Variants in SLC35F1 observed in about 807,000 individuals in gnomAD.
SLC35F1 encodes chromosome 6 open reading frame 169.
In SLC35F1, 14 loss-of-function variants were observed where a neutral mutation model predicts 48.7. That is an observed-to-expected ratio of 0.29 (90% confidence interval 0.19 to 0.45). The LOEUF (loss-of-function observed/expected upper bound fraction) is 0.45. SLC35F1 is among the 20% of genes least tolerant of loss of function. The probability of loss-of-function intolerance (pLI) is 1.00; values close to 1 mark genes in which losing one functional copy is unlikely to be tolerated. For synonymous variants in SLC35F1, 190 were observed against 202.2 expected, an observed-to-expected ratio of 0.94 and a Z score of 0.51; for missense variants, 404 against 500.0, an observed-to-expected ratio of 0.81 and a Z score of 1.83.
At chr6:118,188,994 C>G (rs1376950871) in intron 2 of SLC35F1, among the ~76,000 whole-genome samples, 1 of 152,146 alleles carries the variant, frequency 6.6e-6, no homozygotes, top group Non-Finnish European at 1.5e-5. Flanking sequence ...TGACTGCAGC[C>G]TCGACCTCCT....
chr6:118,247,698 A>G (rs1775526332), intron 3 of SLC35F1, among the ~76,000 whole-genome samples: 1 of 151,886 alleles, frequency 6.6e-6, no homozygotes, highest in Non-Finnish European at 1.5e-5. Flanking sequence ...GTATTACACC[A>G]CACACAAAGT....
At chr6:118,204,971 T>A (rs1404050751) in intron 2 of SLC35F1, among the ~76,000 whole-genome samples, 1 of 152,208 alleles carries the variant, frequency 6.6e-6, no homozygotes, top group Non-Finnish European at 1.5e-5. Context: ...AGACCCAGGC[T>A]GACAGAAAGC....
intron 4 of SLC35F1, among the ~76,000 whole-genome samples, chr6:118,270,947 CTTCAAAATA>C (rs1201628592): frequency 6.6e-6 from 1 of 152,172 alleles, no homozygotes; most frequent in Non-Finnish European, 1.5e-5. Flanking sequence ...CCTTCTCGCC[CTTCAAAATA>C]TCCTTTTCTA....
chr6:118,172,035 G>T (rs566691924), intron 2 of SLC35F1, among the ~76,000 whole-genome samples: 2 of 152,056 alleles, frequency 1.3e-5, no homozygotes, highest in African/African-American at 4.8e-5. Flanking sequence ...ACCCAAGCCT[G>T]GCTTTCTTTA....
chr6:118,033,301 G>A (rs891003132), intron 1 of SLC35F1, among the ~76,000 whole-genome samples: 8 of 151,952 alleles, frequency 5.3e-5, no homozygotes, highest in Non-Finnish European at 8.8e-5. Context: ...ACATGCTCTG[G>A]ATTTAGAACT....
At chr6:118,115,143 A>C (rs1773459697) in intron 1 of SLC35F1, among the ~76,000 whole-genome samples, 1 of 152,158 alleles carries the variant, frequency 6.6e-6, no homozygotes, top group South Asian at 2.1e-4. Context: ...TTTAGCTATA[A>C]TTCCTCTTCC....
At chr6:118,310,683 C>A (rs1426815791) in intron 7 of SLC35F1, among the ~76,000 whole-genome samples, 1 of 152,114 alleles carries the variant, frequency 6.6e-6, no homozygotes, top group Non-Finnish European at 1.5e-5. Context: ...CAAGATACTT[C>A]CACCATATAA....
chr6:118,208,123 TCACACA>T (rs60151250), intron 2 of SLC35F1, among the ~76,000 whole-genome samples: 33 of 150,598 alleles, frequency 2.2e-4, no homozygotes, highest in African/African-American at 8.0e-4. Flanking sequence ...GCGCGCGCGA[TCACACA>T]CACACACACA....
At chr6:118,037,147 C>G (rs1324218475) in intron 1 of SLC35F1, among the ~76,000 whole-genome samples, 2 of 152,054 alleles carry the variant, frequency 1.3e-5, no homozygotes, top group Admixed American at 1.3e-4. Context: ...AGTTTTGTAT[C>G]TTATACCTTT....
intron 1 of SLC35F1, among the ~76,000 whole-genome samples, chr6:118,074,620 T>C (rs545025696): frequency 1.3e-5 from 2 of 152,332 alleles, no homozygotes; most frequent in African/African-American, 4.8e-5. Context: ...TAAAGTGATG[T>C]GGTAATTATC....
chr6:118,174,688 T>C (rs1476540518), intron 2 of SLC35F1, among the ~76,000 whole-genome samples: 1 of 151,884 alleles, frequency 6.6e-6, no homozygotes, highest in African/African-American at 2.4e-5. Flanking sequence ...ATCAAACAGA[T>C]CCATGAAGCT....
At chr6:117,958,509 A>AT (rs1376408700) in intron 1 of SLC35F1, among the ~76,000 whole-genome samples, 2 of 152,132 alleles carry the variant, frequency 1.3e-5, no homozygotes, top group East Asian at 1.9e-4. Flanking sequence ...CAAATGTACC[A>AT]TTTTTTGTCT....
At chr6:118,177,663 T>A (rs933944602) in intron 2 of SLC35F1, among the ~76,000 whole-genome samples, 3 of 152,120 alleles carry the variant, frequency 2.0e-5, no homozygotes, top group Non-Finnish European at 2.9e-5. Context: ...TGGTTACAAA[T>A]TACAGAAAAT....
intron 1 of SLC35F1, among the ~76,000 whole-genome samples, chr6:118,038,171 A>G (rs1377322824): frequency 6.6e-6 from 1 of 152,176 alleles, no homozygotes. Context: ...CCTACTGAAA[A>G]ATGCTATAAT....
chr6:118,058,698 T>C (rs1000414277), intron 1 of SLC35F1, among the ~76,000 whole-genome samples: 1 of 152,160 alleles, frequency 6.6e-6, no homozygotes, highest in Non-Finnish European at 1.5e-5. Flanking sequence ...TTGCTGTTTT[T>C]CTGTTTTCCT....
At chr6:118,021,137 T>C (rs974847755) in intron 1 of SLC35F1, among the ~76,000 whole-genome samples, 2 of 152,056 alleles carry the variant, frequency 1.3e-5, no homozygotes, top group Non-Finnish European at 2.9e-5. Flanking sequence ...TGTAACTCAG[T>C]TGGGGACCTC....
At chr6:117,972,000 C>T (rs868116453) in intron 1 of SLC35F1, among the ~76,000 whole-genome samples, 1 of 152,212 alleles carries the variant, frequency 6.6e-6, no homozygotes, top group African/African-American at 2.4e-5. Flanking sequence ...GCTTGAATTT[C>T]TCCCCAGAAA....
intron 1 of SLC35F1, among the ~76,000 whole-genome samples, chr6:118,064,726 T>A (rs4364511): frequency 2.6e-5 from 4 of 152,086 alleles, no homozygotes; most frequent in East Asian, 1.9e-4. Flanking sequence ...TATTCTAAAC[T>A]TTGTAACAGC....
intron 1 of SLC35F1, among the ~76,000 whole-genome samples, chr6:117,967,274 G>GA (rs1047276583): frequency 6.6e-6 from 1 of 151,560 alleles, no homozygotes; most frequent in East Asian, 1.9e-4. Context: ...GAAAATACAG[G>GA]AAAAAAATGA....
Sources: allele counts gnomAD v4.1 joint callset (sites outside exome capture counted in the v4.1 genomes callset), GRCh38; gene constraint gnomAD v4.1.1; transcripts MANE v1.5; gene names NCBI Gene and HGNC (gene_info 2026-07-23, HGNC 2026-07-21).